CYRIB: variants seen among roughly 807,000 people sequenced by gnomAD.
The protein encoded by CYRIB is CYFIP related Rac1 interactor B, also known as CYFIP-related Rac1 interactor B.
Under a neutral mutation model 44.2 loss-of-function variants are expected in CYRIB, and 8 were observed. The ratio of observed to expected loss-of-function variants is 0.18; its 90% CI spans 0.11 to 0.33. CYRIB has a LOEUF of 0.33. Ranked by LOEUF, CYRIB falls within the 10% of genes least tolerant of loss-of-function variation. The probability of loss-of-function intolerance (pLI) is 1.00; values close to 1 mark genes in which losing one functional copy is unlikely to be tolerated. For synonymous variants in CYRIB, 131 were observed against 127.2 expected, an observed-to-expected ratio of 1.03 and a Z score of -0.20; for missense variants, 185 against 382.8, an observed-to-expected ratio of 0.48 and a Z score of 4.31.
chr8:129,891,258 T>C (rs1363519141), intron 2 of CYRIB, among the ~76,000 whole-genome samples: 1 of 152,246 alleles, frequency 6.6e-6, no homozygotes, highest in Non-Finnish European at 1.5e-5. Flanking sequence ...ACCTCAGCAA[T>C]CTCTTTTGGC....
At chr8:129,929,669 G>A (rs978551609) in intron 1 of CYRIB, among the ~76,000 whole-genome samples, 8 of 152,052 alleles carry the variant, frequency 5.3e-5, no homozygotes, top group African/African-American at 1.9e-4. Context: ...AATTAAAATA[G>A]CATACCAAAA....
chr8:129,903,530 AT>A (rs2073485316), intron 1 of CYRIB, among the ~76,000 whole-genome samples, 180 bp from the exon 4 acceptor site: 2 of 152,216 alleles, frequency 1.3e-5, no homozygotes, highest in Non-Finnish European at 2.9e-5. Context: ...TGGAGGACCT[AT>A]TTAGAGTAAG....
At chr8:130,012,910 CATCT>C (rs1443789404) in intron 1 of CYRIB, among the ~76,000 whole-genome samples, 2 of 152,190 alleles carry the variant, frequency 1.3e-5, no homozygotes, top group Non-Finnish European at 2.9e-5. Flanking sequence ...GGACCTGATC[CATCT>C]GAGAGCCCAG....
At chr8:129,942,639 C>T (rs1466853973), upstream of CYRIB, among the ~76,000 whole-genome samples, 1 of 151,956 alleles carries the variant, frequency 6.6e-6, no homozygotes, top group African/African-American at 2.4e-5. Context: ...AAAAATTGAA[C>T]AAAAGGATGC....
chr8:129,987,211 C>CA (rs750782762), intron 1 of CYRIB, among the ~76,000 whole-genome samples: 1 of 152,224 alleles, frequency 6.6e-6, no homozygotes, highest in Non-Finnish European at 1.5e-5. Flanking sequence ...ACCTGGCCCA[C>CA]ACAGCTGGGG....
intron 1 of CYRIB, among the ~76,000 whole-genome samples, chr8:129,987,115 C>T (rs2096484307): frequency 6.6e-6 from 1 of 152,184 alleles, no homozygotes; most frequent in South Asian, 2.1e-4. Flanking sequence ...AAACCTGAAT[C>T]CAAGCTGATG....
exon 12 of CYRIB, chr8:129,839,634 A>T (rs1467436235): frequency 6.6e-6 from 1 of 152,234 alleles, no homozygotes; most frequent in African/African-American, 2.4e-5. Flanking sequence ...CTAAAATTTG[A>T]ATTTCATATG....
At chr8:129,849,392 A>G (rs2042059661) in intron 9 of CYRIB, 23 bp from the exon 12 acceptor site, 14 of 1,584,172 alleles carry the variant, frequency 8.8e-6, no homozygotes, top group Non-Finnish European at 1.2e-5. Context: ...TAAGATATGC[A>G]TGGAAGAAGT....
chr8:129,879,839 T>C (rs1390592528), intron 2 of CYRIB: 4 of 169,710 alleles, frequency 2.4e-5, no homozygotes, highest in Non-Finnish European at 5.0e-5. Flanking sequence ...GTACTGTTAG[T>C]ATAGCACTGA....
At chr8:129,897,319 G>T (rs1010611751) in intron 2 of CYRIB, among the ~76,000 whole-genome samples, 2 of 152,068 alleles carry the variant, frequency 1.3e-5, no homozygotes, top group Non-Finnish European at 2.9e-5. Flanking sequence ...GACAATGACT[G>T]AATAAGCACA....
chr8:129,995,106 T>C (rs2096737621), intron 1 of CYRIB, among the ~76,000 whole-genome samples: 1 of 152,158 alleles, frequency 6.6e-6, no homozygotes, highest in South Asian at 2.1e-4. Flanking sequence ...GTGGGTGGAA[T>C]GTTGAGCACC....
rs73408520 is a variant in CYRIB, at chr8:129,900,666, T to C, written c.-11+2646A>G. ...TTCTTAAAATTTTGGTGTCTCATACTGATATTTGGGTTTTGGGAGGGTGTT... is the reference window on the plus strand; with the variant it reads ...TTCTTAAAATTTTGGTGTCTCATACCGATATTTGGGTTTTGGGAGGGTGTT... On this transcript the variant is annotated intron_variant, in intron 2 of 11. Transcript: ENST00000519824. Among the ~76,000 whole-genome samples the C allele has an allele frequency of 3.8e-3, 577 of 152,300 alleles. 6 individuals carry two copies. Among genetic ancestry groups the C allele is most frequent in the African/African-American group, 0.013 (538 of 41,554 alleles).
intron 6 of CYRIB, 33 bp from the exon 9 acceptor site, chr8:129,854,376 T>A (rs879152882): frequency 1.4e-6 from 2 of 1,474,740 alleles, no homozygotes; most frequent in Non-Finnish European, 1.9e-6. Context: ...AAAAATGTTA[T>A]GTACTAAATG....
At chr8:130,015,938 G>A (rs116418534) in intron 1 of CYRIB, among the ~76,000 whole-genome samples, 2,598 of 152,098 alleles carry the variant, frequency 0.017, 78 homozygotes, top group African/African-American at 0.06. Context: ...GGAGGTGGCC[G>A]GGGGCCAGCG....
At chr8:129,972,729 C>T (rs368861862) in intron 1 of CYRIB, among the ~76,000 whole-genome samples, 2 of 152,072 alleles carry the variant, frequency 1.3e-5, no homozygotes, top group African/African-American at 4.8e-5. Context: ...ACCCCACACA[C>T]ATCCCAGGAA....
chr8:129,942,581 A>G (rs1319790186), upstream of CYRIB, among the ~76,000 whole-genome samples: 3 of 152,224 alleles, frequency 2.0e-5, no homozygotes, highest in Non-Finnish European at 4.4e-5. Flanking sequence ...TTCTGCATGA[A>G]TGTGATCATA....
At chr8:129,904,108 G>C (rs1312197743) in intron 1 of CYRIB, among the ~76,000 whole-genome samples, 1 of 152,150 alleles carries the variant, frequency 6.6e-6, no homozygotes, top group Non-Finnish European at 1.5e-5. Context: ...TTCAGAATGA[G>C]TATAACTTTG....
intron 2 of CYRIB, among the ~76,000 whole-genome samples, chr8:129,967,461 A>G (rs982514795): frequency 2.1e-4 from 31 of 149,140 alleles, no homozygotes; most frequent in Non-Finnish European, 3.6e-4. Context: ...CTCACTGCAA[A>G]CTCCACCTCC....
intron 1 of CYRIB, among the ~76,000 whole-genome samples, chr8:129,996,687 C>T (rs955196155): frequency 5.3e-5 from 8 of 152,114 alleles, no homozygotes; most frequent in African/African-American, 1.7e-4. Flanking sequence ...ATTTCCAAAC[C>T]AACTCTCTAC....
Sources: gnomAD v4.1 joint callset for allele counts (sites outside exome capture counted in the v4.1 genomes callset) on GRCh38, gnomAD v4.1.1 for gene constraint, MANE v1.5 for transcripts, NCBI Gene and HGNC (gene_info 2026-07-23, HGNC 2026-07-21) for gene names.